Variants in CNBD1 observed in about 807,000 individuals in gnomAD.
CNBD1 encodes cyclic nucleotide binding domain containing 1.
Under a neutral mutation model 54.4 loss-of-function variants are expected in CNBD1, and 71 were observed. The observed-to-expected ratio is 1.30, with a 90% CI of 1.08 to 1.59. The LOEUF (loss-of-function observed/expected upper bound fraction) is 1.59. Among genes scored for constraint, CNBD1 ranks in the 40% most tolerant of loss-of-function variants. The pLI is 0.00. For synonymous variants in CNBD1, 182 were observed against 170.7 expected, an observed-to-expected ratio of 1.07 and a Z score of -0.51; for missense variants, 659 against 518.0, an observed-to-expected ratio of 1.27 and a Z score of -2.64.
chr8:86,942,919 G>A (rs1179302191), intron 4 of CNBD1, among the ~76,000 whole-genome samples: 2 of 152,056 alleles, frequency 1.3e-5, no homozygotes, highest in Admixed American at 6.6e-5. Context: ...CAGGTCTGTG[G>A]CCTTTTGTTT....
At chr8:87,114,794 T>G (rs1811736871) in intron 4 of CNBD1, among the ~76,000 whole-genome samples, 1 of 152,210 alleles carries the variant, frequency 6.6e-6, no homozygotes, top group African/African-American at 2.4e-5. Context: ...ACTGATTTAC[T>G]TAATTGCTTT....
intron 10 of CNBD1, among the ~76,000 whole-genome samples, chr8:87,376,815 C>T (rs1810950371): frequency 6.6e-6 from 1 of 151,714 alleles, no homozygotes. Context: ...AGTATTGGAG[C>T]CAGAATTCGG....
intron 6 of CNBD1, among the ~76,000 whole-genome samples, chr8:87,261,982 C>A (rs375492633): frequency 2.2e-3 from 279 of 128,258 alleles, no homozygotes; most frequent in Middle Eastern, 3.8e-3. Flanking sequence ...TCTGTCTTTA[C>A]AAAAAAAAAA....
chr8:86,964,291 C>A (rs2130476827), intron 4 of CNBD1, among the ~76,000 whole-genome samples: 1 of 152,262 alleles, frequency 6.6e-6, no homozygotes, highest in Middle Eastern at 3.4e-3. Context: ...GTAAGGGCTT[C>A]CTTTTCCATT....
At chr8:87,300,924 AAAAT>A (rs745889438) in intron 8 of CNBD1, among the ~76,000 whole-genome samples, 6 of 152,174 alleles carry the variant, frequency 3.9e-5, no homozygotes, top group Non-Finnish European at 8.8e-5. Flanking sequence ...GTTCTTTGAA[AAAAT>A]AAATAAAATT....
chr8:87,191,482 T>C (rs951105355), intron 4 of CNBD1, among the ~76,000 whole-genome samples: 1 of 152,110 alleles, frequency 6.6e-6, no homozygotes. Context: ...AAACAATACA[T>C]TGCCAGCCAT....
chr8:87,380,236 C>T lies in CNBD1; in HGVS notation c.1304-2384C>T, dbSNP rs577598703. Among the ~76,000 whole-genome samples the T allele has an allele frequency of 1.2e-3, 178 of 151,994 alleles. 6 individuals are homozygous for T. In the South Asian group the frequency reaches 0.033, roughly 29 times the overall value. On this transcript the variant is annotated intron_variant, in intron 10 of 10. Transcript: ENST00000518476. ...ATAGAAATGCAAAATGTAATAGCTT[C>T]TCTACCTAAATAGTATACAGTTAGA...
downstream of CNBD1, among the ~76,000 whole-genome samples, chr8:87,385,239 GT>G (rs1478452101): frequency 6.6e-6 from 1 of 152,130 alleles, no homozygotes; most frequent in African/African-American, 2.4e-5. Flanking sequence ...GAGCTACCGG[GT>G]TCATCTCACT....
chr8:86,928,050 C>A (rs1469813164), intron 3 of CNBD1, among the ~76,000 whole-genome samples: 2 of 152,156 alleles, frequency 1.3e-5, no homozygotes, highest in Non-Finnish European at 2.9e-5. Context: ...GTCCTTCCCA[C>A]AAGTAATCCA....
chr8:87,039,565 G>A (rs141924676), intron 4 of CNBD1, among the ~76,000 whole-genome samples: 478 of 152,196 alleles, frequency 3.1e-3, no homozygotes, highest in African/African-American at 0.011. Context: ...TAAAAAAAAT[G>A]TATGTGTAGC....
intron 1 of CNBD1, among the ~76,000 whole-genome samples, chr8:86,879,279 A>G (rs35846627): frequency 0.49 from 73,821 of 151,966 alleles, 18,176 homozygotes; most frequent in East Asian, 0.56. Flanking sequence ...TAGAAAATGG[A>G]CCCTGTTCTA....
chr8:87,027,943 C>G (rs1283431614), intron 4 of CNBD1, among the ~76,000 whole-genome samples: 2 of 152,178 alleles, frequency 1.3e-5, no homozygotes. Flanking sequence ...TGGGCCTGAT[C>G]AGCTGCAAAC....
intron 4 of CNBD1, among the ~76,000 whole-genome samples, chr8:86,947,839 C>G (rs1807504684): frequency 6.6e-6 from 1 of 152,204 alleles, no homozygotes; most frequent in South Asian, 2.1e-4. Flanking sequence ...GTTATGCTAT[C>G]AAATAGTGGG....
intron 2 of CNBD1, among the ~76,000 whole-genome samples, chr8:86,902,866 C>T (rs1174417226): frequency 1.3e-5 from 2 of 151,952 alleles, no homozygotes; most frequent in Non-Finnish European, 2.9e-5. Context: ...TTTTATGTTT[C>T]CCCTCAGCTA....
At chr8:87,282,480 C>T (rs1476580289) in intron 6 of CNBD1, among the ~76,000 whole-genome samples, 1 of 151,554 alleles carries the variant, frequency 6.6e-6, no homozygotes, top group Non-Finnish European at 1.5e-5. Context: ...CTCTAAATTG[C>T]TATTTCAAGT....
intron 6 of CNBD1, among the ~76,000 whole-genome samples, chr8:87,273,850 C>T (rs546335214): frequency 6.6e-6 from 1 of 151,512 alleles, no homozygotes; most frequent in East Asian, 1.9e-4. Context: ...TATTCATGTG[C>T]CATGCTGGTG....
chr8:87,206,196 T>G (rs2130797528), intron 5 of CNBD1, 58 bp downstream of exon 5: 2 of 1,306,854 alleles, frequency 1.5e-6, no homozygotes, highest in East Asian at 5.3e-5. Context: ...CTGTTTCGAG[T>G]TCTTTATCAT....
In CNBD1 at chr8:86,979,729, T is replaced by C. The variant is rs567203442; in HGVS notation, c.431+39975T>C. On this transcript the variant is annotated intron_variant, in intron 4 of 10. Coordinates refer to ENST00000518476, the MANE Select transcript of CNBD1 (RefSeq NM_173538.3). ...TTTATTTAGAAATAATATGTCCCCA[T>C]ATAAGAAGTCCCATAAGGTATGTTC... Among the ~76,000 whole-genome samples the C allele has an allele frequency of 4.5e-4, 69 of 152,262 alleles. 1 individual carries two copies. Among genetic ancestry groups the C allele is most frequent in the Non-Finnish European group, 7.5e-4 (51 of 68,012 alleles).
chr8:87,402,664 C>T (rs1345497472), intron 2 of CNBD1, among the ~76,000 whole-genome samples: 1 of 151,972 alleles, frequency 6.6e-6, no homozygotes, highest in Non-Finnish European at 1.5e-5. Flanking sequence ...GAAAAGCTGG[C>T]CAGGGCCAAA....
Sources: allele counts gnomAD v4.1 joint callset (sites outside exome capture counted in the v4.1 genomes callset), GRCh38; gene constraint gnomAD v4.1.1; transcripts MANE v1.5; gene names NCBI Gene and HGNC (gene_info 2026-07-23, HGNC 2026-07-21).